Variants in TMEM63A observed in about 807,000 individuals in gnomAD.
The protein encoded by TMEM63A is mechanosensitive cation channel TMEM63A.
TMEM63A carries 76 observed loss-of-function variants against 100.6 expected under a neutral mutation model. The ratio of observed to expected loss-of-function variants is 0.76; its 90% CI spans 0.63 to 0.91. The LOEUF is 0.91. Among genes scored for constraint, TMEM63A ranks in the 40% least tolerant of loss-of-function variants. TMEM63A has a pLI of 0.00. For missense variants in TMEM63A, 876 were observed against 1,008.8 expected (o/e 0.87, Z 1.78); for synonymous variants, 401 against 401.1 (o/e 1.00, Z 0.00).
Position 225,856,727 on chromosome 1 carries a change from T to C in TMEM63A, c.1496A>G (p.Asn499Ser). The change falls in exon 17 of 25, where the codon AAC (asparagine) becomes AGC (serine). Residue 499 changes from asparagine (N) to serine (S), a missense_variant. By Grantham distance (46) the Asn-to-Ser change is conservative. This residue lies in a region of TMEM63A where 487 missense variants were observed against 581.9 expected (regional missense o/e 0.84). Coordinates refer to ENST00000366835, the MANE Select transcript of TMEM63A (RefSeq NM_014698.3). ...GTAGACTTTGGTCATCATGATCTGGTTTTCCCCCGACCTGCAGGAAGTCAA... is the reference window on the plus strand; with the variant it reads ...GTAGACTTTGGTCATCATGATCTGGCTTTCCCCCGACCTGCAGGAAGTCAA... ...LESHWTKSGE[N>S]QIMMTKVYIF... 1 of 1,611,646 alleles carries C rather than the reference T, an allele frequency of 6.2e-7. No individual in the cohort carries two copies.
intron 19 of TMEM63A, 33 bp from the exon 20 acceptor site, chr1:225,852,802 C>T (rs753929212): frequency 1.3e-6 from 2 of 1,584,436 alleles, no homozygotes; most frequent in Non-Finnish European, 1.7e-6. Context: ...AGCTCATGGA[C>T]TTGTTCCACC....
intron 21 of TMEM63A, 129 bp from the exon 22 acceptor site, chr1:225,849,141 G>C: frequency 1.4e-6 from 1 of 712,012 alleles, no homozygotes; most frequent in Non-Finnish European, 2.4e-6. Flanking sequence ...AGAAAATAAA[G>C]GTAAGGCCTA....
rs1370995892 is a variant in TMEM63A at position 225,865,681 on chromosome 1, T to C, written c.746+216A>G. ...CTGTGCACAGGCTGCTTGAAGAGGA[T>C]AGGCCACCAGGGCGCTATTCACTGC... On this transcript the variant is annotated intron_variant, in intron 10 of 24. Coordinates refer to ENST00000366835, the MANE Select transcript of TMEM63A (RefSeq NM_014698.3). This position sits in a 1 kb window ranked among gnomAD's most constrained non-coding sequence, Gnocchi z 4.6. 2.1e-5 allele frequency: 12 copies of C among 563,380 alleles called. No homozygotes were observed. Among genetic ancestry groups the C allele is most frequent in the South Asian group, 1.8e-4 (9 of 49,118 alleles). 34.9% of individuals were successfully genotyped at this position (563,380 alleles called of 1,614,324 possible). A position where few individuals can be genotyped will look rare whatever the true frequency, so the allele number is the denominator to read the frequency against.
At chr1:225,866,798 G>A in intron 8 of TMEM63A, 116 bp from the exon 9 acceptor site, 1 of 869,072 alleles carries the variant, frequency 1.2e-6, no homozygotes, top group South Asian at 1.5e-5. Flanking sequence ...CAGCTTCACT[G>A]CAAGAGATGC....
rs928767556 is a variant in TMEM63A at position 225,858,010 on chromosome 1, G to A, written c.1378-993C>T. On this transcript the variant is annotated intron_variant, in intron 15 of 24. Coordinates refer to ENST00000366835, the MANE Select transcript of TMEM63A (RefSeq NM_014698.3). ...TATCATGACAACAGCCTCACGCCCT[G>A]TATAATAGTGCAGGTGTTTTAACTC... Among the ~76,000 whole-genome samples, 3 of 152,186 alleles carry A rather than the reference G, an allele frequency of 2.0e-5. 1 individual carries two copies. In the South Asian group the frequency reaches 6.2e-4, roughly 31 times the overall value.
chr1:225,863,687 CG>C (rs1670056090), intron 10 of TMEM63A, among the ~76,000 whole-genome samples: 3 of 151,942 alleles, frequency 2.0e-5, no homozygotes, highest in African/African-American at 7.3e-5. Flanking sequence ...GAGGCTGAGC[CG>C]GGTGGATCAC....
In TMEM63A at chr1:225,862,091, G is replaced by A. The variant is rs1669969539; in HGVS notation, c.1085+127C>T. The A allele has an allele frequency of 7.1e-7, 1 of 1,399,918 alleles. No homozygotes were observed. Among genetic ancestry groups the A allele is most frequent in the South Asian group, 1.4e-5 (1 of 73,042 alleles). The allele number at this position is 1,399,918 out of a possible 1,614,324, so 86.7% of individuals were successfully genotyped here. On this transcript the variant is annotated intron_variant, in intron 13 of 24. Coordinates refer to ENST00000366835, the MANE Select transcript of TMEM63A (RefSeq NM_014698.3). This position sits in a 1 kb window ranked among gnomAD's most constrained non-coding sequence, Gnocchi z 5.1. ...GTGTGGGTAGCTGAGGGAGGAGAAG[G>A]AAACACCACAGATAAATCCCAGGGA...
chr1:225,847,956 C>G (rs1365326472), intron 23 of TMEM63A, among the ~76,000 whole-genome samples: 3 of 152,158 alleles, frequency 2.0e-5, no homozygotes, highest in Non-Finnish European at 4.4e-5. Context: ...CCCTTCCCAG[C>G]CCCACCCTAG....
chr1:225,847,216 G>A lies in TMEM63A; in HGVS notation c.2251-3C>T. 6.2e-7 allele frequency: 1 copy of A among 1,612,314 alleles called. No homozygotes were observed. Among genetic ancestry groups the A allele is most frequent in the South Asian group, 1.1e-5 (1 of 91,042 alleles). On this transcript the variant is annotated splice_region_variant and splice_polypyrimidine_tract_variant and intron_variant, in intron 23 of 24. Coordinates refer to ENST00000366835, the MANE Select transcript of TMEM63A (RefSeq NM_014698.3). ...TTCAGAATCCGAGGCACGTAGGGCT[G>A]TCAGCAAATGGATTTGTGCTTGGCC...
rs564281675 is a variant in TMEM63A at position 225,856,019 on chromosome 1, C to A, written c.1572-79G>T. The stretch of plus-strand genomic sequence containing the variant: ...CTACACATGCTTTCATTTTCTTTTG[C>A]TCTAAAAACAGGCCAAAGCTCGAGA... On this transcript the variant is annotated intron_variant, in intron 17 of 24. Coordinates refer to ENST00000366835, the MANE Select transcript of TMEM63A (RefSeq NM_014698.3). The A allele has an allele frequency of 5.4e-5, 80 of 1,479,328 alleles. No individual in the cohort carries two copies. In the East Asian group the frequency reaches 1.7e-3, roughly 32 times the overall value. The allele number at this position is 1,479,328 out of a possible 1,614,324, so 91.6% of individuals were successfully genotyped here. A position where few individuals can be genotyped will look rare whatever the true frequency, so the allele number is the denominator to read the frequency against.
chr1:225,845,634 G>A lies in TMEM63A; in HGVS notation c.*1305C>T, dbSNP rs556699921. 7.8e-5 allele frequency: 40 copies of A among 513,030 alleles called. 1 individual carries two copies. Among genetic ancestry groups the A allele is most frequent in the Admixed American group, 5.2e-4 (16 of 30,840 alleles). The allele number at this position is 513,030 out of a possible 1,614,324, so 31.8% of individuals were successfully genotyped here. ...GCCCCCTGTGCAAGCAGAGCTGGCC[G>A]GCCCCTCCTTGCTGGCAGAGGCACG... On this transcript the variant is annotated 3_prime_UTR_variant, in exon 25 of 25. Transcript: ENST00000366835.
In TMEM63A at chr1:225,857,777, T is replaced by C. The variant is rs1576082399; in HGVS notation, c.1378-760A>G. 2.0e-5 allele frequency among the ~76,000 whole-genome samples: 3 copies of C among 152,320 alleles called. No individual in the cohort carries two copies. In the Middle Eastern group the frequency reaches 0.01, roughly 518 times the overall value. ...ACAAAACAATGAAATAAGGGTGTGGTTGATGTAAAGTAGACAAAGGGGAGC... is the reference window on the plus strand; with the variant it reads ...ACAAAACAATGAAATAAGGGTGTGGCTGATGTAAAGTAGACAAAGGGGAGC... On this transcript the variant is annotated intron_variant, in intron 15 of 24. Transcript: ENST00000366835.
chr1:225,869,666 C>CTTTTCT lies in TMEM63A; in HGVS notation c.371+1409_371+1410insAGAAAA, dbSNP rs76862516. On this transcript the variant is annotated intron_variant, in intron 6 of 24. Transcript: ENST00000366835. The stretch of plus-strand genomic sequence containing the variant: ...ATCATTTTCATATTTCTTTTCTTTT[C>CTTTTCT]TTTTTTTTTTTTTTTGAGACAGTTT... Among the ~76,000 whole-genome samples, 90 of 109,886 alleles carry CTTTTCT rather than the reference C, an allele frequency of 8.2e-4. 2 individuals carry two copies. Among genetic ancestry groups the CTTTTCT allele is most frequent in the Middle Eastern group, 6.0e-3 (1 of 166 alleles). 72.1% of individuals were successfully genotyped at this position (109,886 alleles called of 152,430 possible). A position where few individuals can be genotyped will look rare whatever the true frequency, so the allele number is the denominator to read the frequency against.
At chr1:225,856,432 C>T (rs776475170) in intron 17 of TMEM63A, among the ~76,000 whole-genome samples, 10 of 150,666 alleles carry the variant, frequency 6.6e-5, no homozygotes, top group African/African-American at 9.8e-5. Context: ...CAAGAACAGC[C>T]TGACCAATAT....
intron 14 of TMEM63A, chr1:225,860,174 AC>A (rs1669866157): frequency 6.5e-6 from 1 of 152,766 alleles, no homozygotes; most frequent in South Asian, 2.1e-4. Context: ...CAGAACTAGA[AC>A]CGAGCAGAGG....
chr1:225,863,542 C>T (rs776630681), intron 10 of TMEM63A, among the ~76,000 whole-genome samples: 3 of 152,146 alleles, frequency 2.0e-5, no homozygotes, highest in African/African-American at 7.2e-5. Flanking sequence ...ATTCAGGTAG[C>T]CTTTTTTAAG....
chr1:225,865,973 C>T lies in TMEM63A; in HGVS notation c.676-6G>A, dbSNP rs755440077. 81 of 1,613,616 alleles carry T rather than the reference C, an allele frequency of 5.0e-5. No homozygotes were observed. The highest frequency in any genetic ancestry group is 4.0e-4 in the East Asian group (18 of 44,858). On this transcript the variant is annotated splice_region_variant and splice_polypyrimidine_tract_variant and intron_variant, in intron 9 of 24. Coordinates refer to ENST00000366835, the MANE Select transcript of TMEM63A (RefSeq NM_014698.3). This position sits in a 1 kb window ranked among gnomAD's most constrained non-coding sequence, Gnocchi z 4.6. ...ATGAACAGGGTCCGCCTCACCTGTC[C>T]GGGAAATACAGCAGGGAGAGAAGTC...
intron 3 of TMEM63A, among the ~76,000 whole-genome samples, chr1:225,877,005 T>C (rs113498975): frequency 2.6e-5 from 4 of 152,258 alleles, no homozygotes; most frequent in African/African-American, 9.6e-5. Context: ...GAGGTGACAC[T>C]TGGGAACTGC....
chr1:225,842,308 G>A, downstream of TMEM63A: 2 of 1,303,058 alleles, frequency 1.5e-6, no homozygotes, highest in Middle Eastern at 1.8e-4. Flanking sequence ...CACACCTGAA[G>A]CTCCAGCTCT....
Sources: gnomAD v4.1 joint callset for allele counts (sites outside exome capture counted in the v4.1 genomes callset) on GRCh38, gnomAD v4.1.1 for gene constraint, gnomAD v4.1.1 regional missense constraint, Gnocchi (gnomAD v3.1) non-coding constraint, MANE v1.5 for transcripts, NCBI Gene and HGNC (gene_info 2026-07-23, HGNC 2026-07-21) for gene names.